EXOC6B: variants seen among roughly 807,000 people sequenced by gnomAD.
The protein encoded by EXOC6B is exocyst complex component 6B, also known as SEC15 homolog B.
Under a neutral mutation model 113.5 loss-of-function variants are expected in EXOC6B, and 54 were observed. That is an observed-to-expected ratio of 0.48 (90% CI 0.38 to 0.60). The LOEUF (loss-of-function observed/expected upper bound fraction) is 0.60, where lower values mean the gene tolerates loss of function less well. EXOC6B is among the 20% of genes least tolerant of loss of function. EXOC6B has a pLI of 0.00. For missense variants in EXOC6B, 797 were observed against 977.5 expected (o/e 0.82, Z 2.46); for synonymous variants, 357 against 339.0 (o/e 1.05, Z -0.58).
chr2:72,265,149 A>T (rs1220051197), intron 20 of EXOC6B, among the ~76,000 whole-genome samples: 1 of 152,082 alleles, frequency 6.6e-6, no homozygotes, highest in Non-Finnish European at 1.5e-5. Flanking sequence ...GCTGTTAGTG[A>T]TATGGACAAT....
intron 6 of EXOC6B, among the ~76,000 whole-genome samples, chr2:72,638,216 C>T (rs889744731): frequency 3.3e-5 from 5 of 152,126 alleles, no homozygotes; most frequent in Admixed American, 1.3e-4. Context: ...CTAGAGGCTA[C>T]TATGAGCAAC....
chr2:72,515,209 C>T, intron 8 of EXOC6B, 83 bp from the exon 9 acceptor site: 1 of 1,312,990 alleles, frequency 7.6e-7, no homozygotes, highest in East Asian at 2.5e-5. Flanking sequence ...GGTCCCAGGT[C>T]TGGAATTTGA....
At chr2:72,767,612 C>G (rs889618330) in intron 1 of EXOC6B, among the ~76,000 whole-genome samples, 1 of 150,562 alleles carries the variant, frequency 6.6e-6, no homozygotes, top group Non-Finnish European at 1.5e-5. Flanking sequence ...GAGTTTGAGA[C>G]CAACCTGGGA....
intron 20 of EXOC6B, among the ~76,000 whole-genome samples, chr2:72,224,865 C>A (rs925586464): frequency 7.0e-6 from 1 of 143,202 alleles, no homozygotes; most frequent in African/African-American, 2.6e-5. Context: ...TATATGTATA[C>A]GTAAGTGTAT....
intron 6 of EXOC6B, among the ~76,000 whole-genome samples, chr2:72,619,626 T>C (rs1247830500): frequency 6.6e-6 from 1 of 151,824 alleles, no homozygotes; most frequent in Non-Finnish European, 1.5e-5. Flanking sequence ...AGAGAAAACA[T>C]CAAGAATAGT....
At chr2:72,384,352 T>C (rs534126631) in intron 18 of EXOC6B, among the ~76,000 whole-genome samples, 2 of 151,936 alleles carry the variant, frequency 1.3e-5, no homozygotes, top group Admixed American at 1.3e-4. Context: ...GAATTAGGTA[T>C]AGAAGGAATG....
chr2:72,509,925 C>T (rs1700804505), intron 11 of EXOC6B, among the ~76,000 whole-genome samples: 1 of 152,152 alleles, frequency 6.6e-6, no homozygotes, highest in Non-Finnish European at 1.5e-5. Flanking sequence ...CCTCTGCCTC[C>T]TGGGTTCCAG....
intron 18 of EXOC6B, among the ~76,000 whole-genome samples, chr2:72,435,663 T>G (rs973251678): frequency 6.6e-6 from 1 of 152,140 alleles, no homozygotes; most frequent in Non-Finnish European, 1.5e-5. Flanking sequence ...TCTTTTTTGA[T>G]CTTTGTTGGT....
At chr2:72,365,520 G>A (rs756844094) in intron 19 of EXOC6B, among the ~76,000 whole-genome samples, 5 of 152,116 alleles carry the variant, frequency 3.3e-5, no homozygotes, top group Non-Finnish European at 7.3e-5. Context: ...GCAGGCAAAG[G>A]GAGAGAACTG....
In EXOC6B at chr2:72,181,691, A is replaced by G. The variant is rs187117239; in HGVS notation, c.2310-2230T>C. Among the ~76,000 whole-genome samples the G allele has an allele frequency of 5.5e-3, 839 of 152,302 alleles. 13 individuals are homozygous for G. The highest frequency in any genetic ancestry group is 7.7e-3 in the Non-Finnish European group (527 of 68,006). On this transcript the variant is annotated intron_variant, in intron 21 of 21. Coordinates refer to ENST00000272427, the MANE Select transcript of EXOC6B (RefSeq NM_015189.3). ...TGGCTCCCACAGGGAAGCTCCTGTA[A>G]TTATCTAGGAGAAAGAGGGTAGTCT...
At chr2:72,638,851 C>T (rs1177597966) in intron 6 of EXOC6B, among the ~76,000 whole-genome samples, 1 of 152,140 alleles carries the variant, frequency 6.6e-6, no homozygotes, top group Non-Finnish European at 1.5e-5. Context: ...CCTAGGGGTC[C>T]TGAACTCTGC....
At chr2:72,565,256 T>C (rs6719405) in intron 7 of EXOC6B, among the ~76,000 whole-genome samples, 2,807 of 143,860 alleles carry the variant, frequency 0.02, 111 homozygotes, top group African/African-American at 0.069. Flanking sequence ...GAGGCTGAAG[T>C]GGGAGGATCG....
intron 11 of EXOC6B, among the ~76,000 whole-genome samples, chr2:72,505,172 T>C (rs571853965): frequency 1.3e-5 from 2 of 152,304 alleles, no homozygotes; most frequent in South Asian, 4.1e-4. Flanking sequence ...ATATCCTGAA[T>C]CATAAAGATA....
chr2:72,463,320 C>T (rs1317141223), intron 18 of EXOC6B: 1 of 151,912 alleles, frequency 6.6e-6, no homozygotes, highest in East Asian at 1.9e-4. Flanking sequence ...GATAAATGCT[C>T]CCACTAGGAA....
At chr2:72,337,331 G>A (rs936037051) in intron 19 of EXOC6B, among the ~76,000 whole-genome samples, 1 of 152,128 alleles carries the variant, frequency 6.6e-6, no homozygotes, top group African/African-American at 2.4e-5. Flanking sequence ...TCAAGTCTAT[G>A]CTGTATCACT....
intron 6 of EXOC6B, among the ~76,000 whole-genome samples, chr2:72,662,720 C>A (rs1289577420): frequency 6.6e-6 from 1 of 152,032 alleles, no homozygotes; most frequent in Non-Finnish European, 1.5e-5. Flanking sequence ...TGCAAAATGG[C>A]CCAGCCATTC....
intron 1 of EXOC6B, among the ~76,000 whole-genome samples, chr2:72,766,026 C>G (rs1163500654): frequency 6.6e-6 from 1 of 151,984 alleles, no homozygotes; most frequent in Non-Finnish European, 1.5e-5. Flanking sequence ...TTAAGCTATA[C>G]AAAGAGAGAG....
At chr2:72,355,920 T>G (rs897080759) in intron 19 of EXOC6B, among the ~76,000 whole-genome samples, 1 of 152,204 alleles carries the variant, frequency 6.6e-6, no homozygotes, top group African/African-American at 2.4e-5. Context: ...TTCCTCCATT[T>G]GTCTCTCTTT....
intron 20 of EXOC6B, among the ~76,000 whole-genome samples, chr2:72,232,735 C>A (rs933925510): frequency 2.0e-5 from 3 of 152,042 alleles, no homozygotes; most frequent in Non-Finnish European, 4.4e-5. Context: ...TTGTAAGATA[C>A]CATATTTCAA....
Sources: gnomAD v4.1 joint callset for allele counts (sites outside exome capture counted in the v4.1 genomes callset) on GRCh38, gnomAD v4.1.1 for gene constraint, MANE v1.5 for transcripts, NCBI Gene and HGNC (gene_info 2026-07-23, HGNC 2026-07-21) for gene names.